Variants in HLF observed in about 807,000 individuals in gnomAD.
HLF encodes hepatic leukemia factor.
Under a neutral mutation model 22.6 loss-of-function variants are expected in HLF, and 3 were observed. That is an observed-to-expected ratio of 0.13 (90% CI 0.06 to 0.34). HLF has a LOEUF of 0.34. Among genes scored for constraint, HLF ranks in the 10% least tolerant of loss-of-function variants. HLF has a pLI of 1.00. For missense variants in HLF, 299 were observed against 389.2 expected, an observed-to-expected ratio of 0.77 and a Z score of 1.95; for synonymous variants, 151 against 151.8, an observed-to-expected ratio of 0.99 and a Z score of 0.04.
At chr17:55,317,536 C>T (rs1905117875) in intron 3 of HLF, among the ~76,000 whole-genome samples, 1 of 152,212 alleles carries the variant, frequency 6.6e-6, no homozygotes, top group Admixed American at 6.5e-5. Context: ...CTGACCTTTC[C>T]ACATAGCAGG....
At chr17:55,296,016 G>C (rs773753099) in intron 2 of HLF, among the ~76,000 whole-genome samples, 24 of 152,154 alleles carry the variant, frequency 1.6e-4, no homozygotes, top group Non-Finnish European at 3.2e-4. Flanking sequence ...AGTGTAGAAT[G>C]CTTTGGGGCA....
At chr17:55,277,983 T>C (rs1454051688) in intron 2 of HLF, among the ~76,000 whole-genome samples, 1 of 152,216 alleles carries the variant, frequency 6.6e-6, no homozygotes, top group Non-Finnish European at 1.5e-5. Flanking sequence ...CTCTCTTAAC[T>C]CACTACCCAT....
In HLF at chr17:55,268,024, C is replaced by A. The variant is rs745982634; in HGVS notation, c.389C>A (p.Ala130Asp). ...TCGGTCATGGACCTCAGCAGCCGGGCCTCTGCACCCCTTCACCCTGGCATC... is the reference window on the plus strand; with the variant it reads ...TCGGTCATGGACCTCAGCAGCCGGGACTCTGCACCCCTTCACCCTGGCATC... ...APSVMDLSSR[A>D]SAPLHPGIPS... Residue 130 changes from alanine (A) to aspartate (D), a missense_variant, in exon 2 of 4, where the codon GCC (alanine) becomes GAC (aspartate). This residue lies in a region of HLF where 224 missense variants were observed against 298.1 expected (regional missense o/e 0.75). Transcript: ENST00000226067. The A allele has an allele frequency of 1.2e-6, 2 of 1,609,276 alleles. No individual in the cohort carries two copies. Among genetic ancestry groups the A allele is most frequent in the South Asian group, 1.1e-5 (1 of 90,256 alleles).
chr17:55,268,577 A>T lies in HLF; in HGVS notation c.451+491A>T, dbSNP rs542581579. On this transcript the variant is annotated intron_variant, in intron 2 of 3. Transcript: ENST00000226067. ...TGAAGGAAAAAAAATGTGAGTAGGG[A>T]TATGGGGCAGGTATTTTTTTTTCCA... Among the ~76,000 whole-genome samples the T allele has an allele frequency of 3.9e-5, 6 of 151,992 alleles. 1 individual carries two copies. In the South Asian group the frequency reaches 1.3e-3, roughly 32 times the overall value.
chr17:55,309,773 A>T (rs1177259674), intron 2 of HLF, among the ~76,000 whole-genome samples: 1 of 152,244 alleles, frequency 6.6e-6, no homozygotes, highest in Non-Finnish European at 1.5e-5. Context: ...TACTGCTGCA[A>T]ATCTCCTGCT....
At chr17:55,294,650 G>A (rs1485075714) in intron 2 of HLF, among the ~76,000 whole-genome samples, 1 of 152,194 alleles carries the variant, frequency 6.6e-6, no homozygotes, top group Non-Finnish European at 1.5e-5. Flanking sequence ...TTCCCCAAGT[G>A]TGGACCAGAT....
At chr17:55,309,062 G>C (rs998742310) in intron 2 of HLF, among the ~76,000 whole-genome samples, 1 of 152,242 alleles carries the variant, frequency 6.6e-6, no homozygotes, top group Non-Finnish European at 1.5e-5. Flanking sequence ...CTGTTGGCCA[G>C]TGCAAGTCAG....
In HLF at chr17:55,318,521, C is replaced by A. The variant is rs140124576; in HGVS notation, c.673-2143C>A. Among the ~76,000 whole-genome samples, 436 of 152,284 alleles carry A rather than the reference C, an allele frequency of 2.9e-3. 8 individuals are homozygous for A. The highest frequency in any genetic ancestry group is 9.9e-3 in the Admixed American group (151 of 15,304). On this transcript the variant is annotated intron_variant, in intron 3 of 3. Transcript: ENST00000226067. ...CTGGTGACTCCCTGGTCATTAAGAC[C>A]TGGTCAGAATTGTCTTACACCACAT...
chr17:55,269,409 A>G (rs75675457), intron 2 of HLF, among the ~76,000 whole-genome samples: 6,527 of 152,198 alleles, frequency 0.043, 487 homozygotes, highest in African/African-American at 0.15. Context: ...CGGTACCACT[A>G]TCTTCAATTT....
At chr17:55,310,111 A>G (rs908379681) in intron 2 of HLF, among the ~76,000 whole-genome samples, 1 of 152,234 alleles carries the variant, frequency 6.6e-6, no homozygotes, top group East Asian at 1.9e-4. Context: ...TTGGGTTTGA[A>G]GGTAACTTCT....
At chr17:55,273,755 C>CTT (rs11319874) in intron 2 of HLF, 2 of 140,478 alleles carry the variant, frequency 1.4e-5, no homozygotes, top group East Asian at 2.1e-4. Context: ...TGCTGGCTTG[C>CTT]TTTTTTTTTT....
rs1905421947 is a variant in HLF, at chr17:55,325,176, T to G, written c.*4297T>G. ...CCTAGATAATAAAATGATAATACTA[T>G]ATAATTAGTAATAAATTAACATTTA... On this transcript the variant is annotated 3_prime_UTR_variant, in exon 4 of 4. Coordinates refer to ENST00000226067, the MANE Select transcript of HLF (RefSeq NM_002126.5). 1 of 175,858 alleles carries G rather than the reference T, an allele frequency of 5.7e-6. No homozygotes were observed. The highest frequency in any genetic ancestry group is 6.3e-5 in the Admixed American group (1 of 15,810). 10.9% of individuals were successfully genotyped at this position (175,858 alleles called of 1,614,324 possible).
chr17:55,296,522 A>G (rs954086310), intron 2 of HLF, among the ~76,000 whole-genome samples: 5 of 152,200 alleles, frequency 3.3e-5, no homozygotes, highest in African/African-American at 7.2e-5. Flanking sequence ...TATGCATACA[A>G]TACATAGTGT....
In HLF at chr17:55,294,704, T is replaced by C. The variant is rs538694839; in HGVS notation, c.452-20523T>C. ...TACTCAAGGAATGTTACGGCTTCCT[T>C]CTTCAGGACTTCACTGCTTCTCTCC... On this transcript the variant is annotated intron_variant, in intron 2 of 3. Transcript: ENST00000226067. 6.6e-5 allele frequency among the ~76,000 whole-genome samples: 10 copies of C among 152,292 alleles called. No homozygotes were observed. The South Asian group carries it at 2.1e-3, about 32-fold the overall frequency.
intron 3 of HLF, chr17:55,318,982 A>G (rs538064857): frequency 1.0e-3 from 159 of 152,664 alleles, no homozygotes; most frequent in Non-Finnish European, 1.9e-3. Context: ...CAACCATTGC[A>G]CACCTGCCCT....
intron 2 of HLF, among the ~76,000 whole-genome samples, chr17:55,286,140 A>G (rs2081002079): frequency 6.6e-6 from 1 of 152,178 alleles, no homozygotes; most frequent in African/African-American, 2.4e-5. Flanking sequence ...CTTCTTTCCA[A>G]AGATCTAAGA....
chr17:55,313,342 AGAG>A (rs1165549003), intron 2 of HLF, among the ~76,000 whole-genome samples: 1 of 145,020 alleles, frequency 6.9e-6, no homozygotes, highest in Non-Finnish European at 1.5e-5. Flanking sequence ...GTGGTATGGT[AGAG>A]GAGGAGGTGT....
At position 55,322,346 on chromosome 17, in the gene HLF, A is replaced by T. The variant is rs897132778; in HGVS notation, c.*1467A>T. ...TTCTTTTTTGTACAGTATTTTTCAG[A>T]TATAAATACTGACAATGTATTTTGG... On this transcript the variant is annotated 3_prime_UTR_variant, in exon 4 of 4. Coordinates refer to ENST00000226067, the MANE Select transcript of HLF (RefSeq NM_002126.5). The T allele has an allele frequency of 2.1e-5, 4 of 191,326 alleles. No homozygotes were observed. The highest frequency in any genetic ancestry group is 9.3e-5 in the African/African-American group (4 of 43,022). The allele number at this position is 191,326 out of a possible 1,614,324, so 11.9% of individuals were successfully genotyped here. A position where few individuals can be genotyped will look rare whatever the true frequency, so the allele number is the denominator to read the frequency against.
rs370473898 is a variant in HLF at position 55,321,019 on chromosome 17, C to CTGTG, written c.*149_*152dup. ...AACTGACTCCCATTTTGGTGTGCAT[C>CTGTG]TGTGTGTGTGTGCGTGTATATGTGC... On this transcript the variant is annotated 3_prime_UTR_variant, in exon 4 of 4. Transcript: ENST00000226067. 126 of 669,114 alleles carry CTGTG rather than the reference C, an allele frequency of 1.9e-4. No individual in the cohort carries two copies. Among genetic ancestry groups the CTGTG allele is most frequent in the Middle Eastern group, 4.2e-4 (1 of 2,376 alleles). The allele number at this position is 669,114 out of a possible 1,614,324, so 41.4% of individuals were successfully genotyped here.
Sources: gnomAD v4.1 joint callset for allele counts (sites outside exome capture counted in the v4.1 genomes callset) on GRCh38, gnomAD v4.1.1 for gene constraint, gnomAD v4.1.1 regional missense constraint, MANE v1.5 for transcripts, NCBI Gene and HGNC (gene_info 2026-07-23, HGNC 2026-07-21) for gene names.